The following KCNN3 variants were observed in gnomAD, a reference collection of about 807,000 sequenced individuals.
KCNN3 encodes potassium calcium-activated channel subfamily N member 3.
Under a neutral mutation model 62.9 loss-of-function variants are expected in KCNN3, and 16 were observed. That is an observed-to-expected ratio of 0.25 (90% confidence interval 0.17 to 0.39). The LOEUF (loss-of-function observed/expected upper bound fraction) is 0.39. KCNN3 is among the 10% of genes least tolerant of loss of function. The probability of loss-of-function intolerance (pLI) is 1.00; values close to 1 mark genes in which losing one functional copy is unlikely to be tolerated. For synonymous variants in KCNN3, 370 were observed against 389.2 expected (o/e 0.95, Z 0.58); for missense variants, 599 against 949.4 (o/e 0.63, Z 4.85).
In KCNN3 at chr1:154,700,841, A is replaced by G. The variant is rs1699839132; in HGVS notation, c.*7135T>C. The G allele has an allele frequency of 6.6e-6, 1 of 152,124 alleles. No individual in the cohort carries two copies. The highest frequency in any genetic ancestry group is 2.1e-4 in the South Asian group (1 of 4,826). The allele number at this position is 152,124 out of a possible 1,614,324, so 9.4% of individuals were successfully genotyped here. A position where few individuals can be genotyped will look rare whatever the true frequency, so the allele number is the denominator to read the frequency against. On this transcript the variant is annotated 3_prime_UTR_variant, in exon 8 of 8. Coordinates refer to ENST00000271915, the MANE Select transcript of KCNN3 (RefSeq NM_002249.6). Reference sequence around the variant, plus strand: ...TAATAATTTTAAAAAAGAAAAAATCATTTAGTAGCAAAAAAAAGTGAAGAA... The same window carrying G: ...TAATAATTTTAAAAAAGAAAAAATCGTTTAGTAGCAAAAAAAAGTGAAGAA...
chr1:154,821,369 C>G (rs957614193), intron 2 of KCNN3, among the ~76,000 whole-genome samples: 3 of 152,124 alleles, frequency 2.0e-5, no homozygotes, highest in Admixed American at 2.0e-4. Context: ...CCTGAAGGGC[C>G]GGGGGCTGGG....
chr1:154,776,321 C>T (rs532213016), intron 2 of KCNN3, among the ~76,000 whole-genome samples: 1 of 152,124 alleles, frequency 6.6e-6, no homozygotes, highest in Non-Finnish European at 1.5e-5. Context: ...TCCAATAATA[C>T]AGATAAAAAG....
chr1:154,847,992 T>C (rs781671377), intron 1 of KCNN3, among the ~76,000 whole-genome samples: 2 of 152,138 alleles, frequency 1.3e-5, no homozygotes, highest in Non-Finnish European at 2.9e-5. Flanking sequence ...CTGTCCTCCA[T>C]ACCTACTCCT....
intron 3 of KCNN3, among the ~76,000 whole-genome samples, chr1:154,764,509 T>A (rs1026666232): frequency 1.3e-5 from 2 of 152,216 alleles, no homozygotes; most frequent in African/African-American, 4.8e-5. Context: ...GTTATTCTTG[T>A]TATACTCATA....
chr1:154,715,295 G>C (rs1364694899), intron 5 of KCNN3, among the ~76,000 whole-genome samples: 1 of 152,030 alleles, frequency 6.6e-6, no homozygotes, highest in Non-Finnish European at 1.5e-5. Context: ...ACTTAGCCAG[G>C]TATGGTGGCA....
chr1:154,815,965 A>C (rs1232130707), intron 2 of KCNN3, among the ~76,000 whole-genome samples: 2 of 152,172 alleles, frequency 1.3e-5, no homozygotes. Flanking sequence ...AGCACATTAC[A>C]CGCACCCAGG....
intron 2 of KCNN3, among the ~76,000 whole-genome samples, chr1:154,805,159 CAG>C (rs1650117848): frequency 6.6e-6 from 1 of 152,228 alleles, no homozygotes; most frequent in African/African-American, 2.4e-5. Context: ...GAAGAGGAAA[CAG>C]GGGGACCTGG....
At chr1:154,806,039 C>T (rs150182275) in intron 2 of KCNN3, among the ~76,000 whole-genome samples, 15 of 152,232 alleles carry the variant, frequency 9.9e-5, no homozygotes, top group African/African-American at 1.9e-4. Flanking sequence ...CCTAGAGCCC[C>T]GTGATGTCCG....
rs1459259502 is a variant in KCNN3 at position 154,700,253 on chromosome 1, T to G, written c.*7723A>C. ...AAGGCCAATTCTGATGAAGAAGGTT[T>G]GATGTGGGGCCTGAGATTCTGCATT... is the stretch of plus-strand genomic sequence containing the variant. On this transcript the variant is annotated 3_prime_UTR_variant, in exon 8 of 8. Transcript: ENST00000271915. 6.6e-6 allele frequency: 1 copy of G among 152,238 alleles called. No homozygotes were observed. Among genetic ancestry groups the G allele is most frequent in the Non-Finnish European group, 1.5e-5 (1 of 68,064 alleles). The allele number at this position is 152,238 out of a possible 1,614,324, so 9.4% of individuals were successfully genotyped here.
At chr1:154,710,803 A>G (rs994006920) in intron 7 of KCNN3, among the ~76,000 whole-genome samples, 15 of 152,274 alleles carry the variant, frequency 9.9e-5, no homozygotes, top group African/African-American at 3.6e-4. Context: ...ATACCATCTC[A>G]TACCAGTTAG....
At chr1:154,781,789 C>T (rs1207596803) in intron 2 of KCNN3, among the ~76,000 whole-genome samples, 3 of 152,174 alleles carry the variant, frequency 2.0e-5, no homozygotes, top group Non-Finnish European at 4.4e-5. Context: ...CCTTGGTAAG[C>T]TCTAGGGATA....
intron 2 of KCNN3, among the ~76,000 whole-genome samples, chr1:154,802,441 G>T (rs780418611): frequency 5.9e-5 from 9 of 152,166 alleles, no homozygotes; most frequent in Non-Finnish European, 5.9e-5. Flanking sequence ...CTCACCCCAG[G>T]TGTTCAGTGA....
At chr1:154,736,159 G>C (rs1396698293) in intron 3 of KCNN3, among the ~76,000 whole-genome samples, 1 of 152,160 alleles carries the variant, frequency 6.6e-6, no homozygotes, top group Non-Finnish European at 1.5e-5. Flanking sequence ...CAAGTGACGT[G>C]CCCTCTCTGT....
At chr1:154,847,753 T>C (rs967482705) in intron 1 of KCNN3, among the ~76,000 whole-genome samples, 1 of 152,122 alleles carries the variant, frequency 6.6e-6, no homozygotes, top group Non-Finnish European at 1.5e-5. Context: ...CATCATCATA[T>C]CTTGACAATT....
At chr1:154,822,015 G>T in intron 2 of KCNN3, 74 bp downstream of exon 2, 2 of 1,098,358 alleles carry the variant, frequency 1.8e-6, no homozygotes, top group Non-Finnish European at 2.8e-6. Flanking sequence ...GGTTTTGGGG[G>T]TGGGGATGGG....
chr1:154,743,692 G>A lies in KCNN3; in HGVS notation c.1449-10548C>T, dbSNP rs560843101. On this transcript the variant is annotated intron_variant, in intron 3 of 7. Coordinates refer to ENST00000271915, the MANE Select transcript of KCNN3 (RefSeq NM_002249.6). ...TCTCTCTCCTGATGCTGGGCAGCTC[G>A]CAGTTAACCAGGTGATCATGAGTAC... is the stretch of plus-strand genomic sequence containing the variant. Among the ~76,000 whole-genome samples, 7 of 152,266 alleles carry A rather than the reference G, an allele frequency of 4.6e-5. No homozygotes were observed. The South Asian group carries it at 1.4e-3, about 32-fold the overall frequency.
At chr1:154,814,737 G>A (rs1106235) in intron 2 of KCNN3, among the ~76,000 whole-genome samples, 26,651 of 152,220 alleles carry the variant, frequency 0.18, 2,419 homozygotes, top group Middle Eastern at 0.29. Context: ...GTAGTCTGAC[G>A]AGGATTTATT....
intron 3 of KCNN3, among the ~76,000 whole-genome samples, chr1:154,755,944 AGGGGAGGAGGAGGAGGGGTT>A (rs1412531120): frequency 3.8e-5 from 3 of 79,934 alleles, no homozygotes; most frequent in African/African-American, 5.4e-5. Flanking sequence ...GAGGATGGGG[AGGGGAGGAGGAGGAGGGGTT>A]GGGGAGGTGG....
intron 3 of KCNN3, among the ~76,000 whole-genome samples, chr1:154,756,885 C>G (rs1266923683): frequency 1.3e-5 from 2 of 152,102 alleles, no homozygotes; most frequent in African/African-American, 4.8e-5. Context: ...TATTTAATTC[C>G]TAGCACAGTG....
Sources: gnomAD v4.1 joint callset for allele counts (sites outside exome capture counted in the v4.1 genomes callset) on GRCh38, gnomAD v4.1.1 for gene constraint, MANE v1.5 for transcripts, NCBI Gene and HGNC (gene_info 2026-07-23, HGNC 2026-07-21) for gene names.